The following SEMA5A variants were observed in gnomAD, a reference collection of about 807,000 sequenced individuals.
SEMA5A encodes semaphorin 5A, also known as semaphorin-5A.
A neutral mutation model predicts 135.5 loss-of-function variants in SEMA5A; 55 were observed. The ratio of observed to expected loss-of-function variants is 0.41; its 90% CI spans 0.33 to 0.51. The LOEUF (loss-of-function observed/expected upper bound fraction) is 0.51. Ranked by LOEUF, SEMA5A falls within the 20% of genes least tolerant of loss-of-function variation. SEMA5A has a pLI of 0.37. For synonymous variants in SEMA5A, 580 were observed against 546.5 expected, an observed-to-expected ratio of 1.06 and a Z score of -0.85; for missense variants, 1,290 against 1,419.9, an observed-to-expected ratio of 0.91 and a Z score of 1.47.
chr5:9,342,673 T>A (rs1414278999), intron 3 of SEMA5A, among the ~76,000 whole-genome samples: 2 of 152,218 alleles, frequency 1.3e-5, no homozygotes, highest in Non-Finnish European at 2.9e-5. Flanking sequence ...GTCTGCATCA[T>A]GACAAAATAA....
intron 5 of SEMA5A, among the ~76,000 whole-genome samples, chr5:9,290,375 C>A (rs1454308258): frequency 1.3e-5 from 2 of 152,136 alleles, no homozygotes; most frequent in Admixed American, 6.5e-5. Context: ...GCTGTAAATG[C>A]CATTATTTCA....
At chr5:9,096,733 T>A (rs1279880806) in intron 16 of SEMA5A, among the ~76,000 whole-genome samples, 1 of 152,042 alleles carries the variant, frequency 6.6e-6, no homozygotes, top group Non-Finnish European at 1.5e-5. Context: ...TATAAAGAAC[T>A]CATACAACAT....
At chr5:9,228,012 A>G (rs1329168665) in intron 6 of SEMA5A, among the ~76,000 whole-genome samples, 2 of 152,204 alleles carry the variant, frequency 1.3e-5, no homozygotes, top group Non-Finnish European at 2.9e-5. Context: ...GTATGGTCAT[A>G]GCAGTGATGG....
intron 11 of SEMA5A, among the ~76,000 whole-genome samples, chr5:9,163,500 T>C (rs1743411258): frequency 6.6e-6 from 1 of 152,170 alleles, no homozygotes; most frequent in Non-Finnish European, 1.5e-5. Flanking sequence ...CAAGATTCCG[T>C]TTTGCATCTT....
At chr5:9,509,839 CCT>C (rs1442543147) in intron 1 of SEMA5A, among the ~76,000 whole-genome samples, 7 of 152,148 alleles carry the variant, frequency 4.6e-5, no homozygotes, top group African/African-American at 1.7e-4. Flanking sequence ...TATGCCACCC[CCT>C]CTTCTAGGAA....
intron 5 of SEMA5A, among the ~76,000 whole-genome samples, chr5:9,302,556 T>C (rs1440983186): frequency 1.3e-5 from 2 of 152,364 alleles, no homozygotes; most frequent in African/African-American, 2.4e-5. Flanking sequence ...GTGTTCATTA[T>C]GCTCATGAAC....
chr5:9,071,076 A>C (rs914306064), intron 16 of SEMA5A, among the ~76,000 whole-genome samples: 4 of 152,350 alleles, frequency 2.6e-5, no homozygotes, highest in Non-Finnish European at 5.9e-5. Flanking sequence ...TTTGGCACCT[A>C]AGGTTCTTAA....
chr5:9,488,366 T>C lies in SEMA5A; in HGVS notation c.-174-50514A>G, dbSNP rs149872154. Among the ~76,000 whole-genome samples, 951 of 152,316 alleles carry C rather than the reference T, an allele frequency of 6.2e-3. 10 individuals are homozygous for C. The highest frequency in any genetic ancestry group is 0.022 in the African/African-American group (902 of 41,576). On this transcript the variant is annotated intron_variant, in intron 1 of 22. Transcript: ENST00000382496. ...ACCACTGGACATTTTACATCTTGCG[T>C]GATGTTTAAGAGACACTTATAAGAT... is the stretch of plus-strand genomic sequence containing the variant.
chr5:9,468,817 AT>A (rs966826120), intron 1 of SEMA5A, among the ~76,000 whole-genome samples: 1 of 152,194 alleles, frequency 6.6e-6, no homozygotes, highest in African/African-American at 2.4e-5. Context: ...TAATTTCAAA[AT>A]TTTAGAAGAA....
At chr5:9,255,897 C>G (rs534958908) in intron 5 of SEMA5A, among the ~76,000 whole-genome samples, 3 of 147,540 alleles carry the variant, frequency 2.0e-5, no homozygotes, top group African/African-American at 7.6e-5. Context: ...CCCTCTCTGC[C>G]TCCCAACTTG....
intron 10 of SEMA5A, among the ~76,000 whole-genome samples, chr5:9,193,934 T>G (rs981656276): frequency 1.3e-5 from 2 of 152,144 alleles, no homozygotes; most frequent in Non-Finnish European, 2.9e-5. Context: ...GCTTTGCATA[T>G]CAAAGGGTCC....
At chr5:9,129,929 T>G (rs1044097293) in intron 13 of SEMA5A, among the ~76,000 whole-genome samples, 16 of 152,192 alleles carry the variant, frequency 1.1e-4, no homozygotes, top group African/African-American at 3.9e-4. Context: ...AACAAGCTAG[T>G]CCAGAGCCTA....
chr5:9,297,714 C>A (rs879843652), intron 5 of SEMA5A, among the ~76,000 whole-genome samples: 9 of 102,964 alleles, frequency 8.7e-5, no homozygotes, highest in Non-Finnish European at 1.2e-4. Context: ...GCCACCATGT[C>A]AAGCTATTTT....
rs114265660 is a variant in SEMA5A at position 9,040,901 on chromosome 5, C to T, written c.*1996G>A. On this transcript the variant is annotated 3_prime_UTR_variant, in exon 23 of 23. Transcript: ENST00000382496. ...ACAAAGTGAAAATGTTTTTTTCTTA[C>T]AAGAAACTGATGAGATGAGTTGAAA... The T allele has an allele frequency of 1.2e-3, 183 of 152,208 alleles. No individual in the cohort carries two copies. Among genetic ancestry groups the T allele is most frequent in the African/African-American group, 4.3e-3 (178 of 41,532 alleles). The allele number at this position is 152,208 out of a possible 1,614,324, so 9.4% of individuals were successfully genotyped here.
intron 4 of SEMA5A, among the ~76,000 whole-genome samples, chr5:9,336,744 C>A (rs1753407660): frequency 6.6e-6 from 1 of 152,132 alleles, no homozygotes. Flanking sequence ...AGAAACTGTT[C>A]AATGTTTATC....
chr5:9,468,432 C>T (rs1039184520), intron 1 of SEMA5A, among the ~76,000 whole-genome samples: 20 of 152,006 alleles, frequency 1.3e-4, no homozygotes, highest in Admixed American at 6.6e-4. Flanking sequence ...TGTAGGTTTG[C>T]GAACTAAACA....
intron 8 of SEMA5A, among the ~76,000 whole-genome samples, chr5:9,216,385 G>A (rs1746629995): frequency 6.6e-6 from 1 of 152,304 alleles, no homozygotes; most frequent in East Asian, 1.9e-4. Context: ...TGCAGCTTCT[G>A]AGGATTGTTT....
intron 1 of SEMA5A, among the ~76,000 whole-genome samples, chr5:9,464,493 C>G (rs1759180775): frequency 6.6e-6 from 1 of 152,206 alleles, no homozygotes; most frequent in South Asian, 2.1e-4. Flanking sequence ...TCACGTACCC[C>G]TTTTCAATCA....
intron 8 of SEMA5A, among the ~76,000 whole-genome samples, chr5:9,211,931 T>C (rs1746365847): frequency 6.6e-6 from 1 of 152,198 alleles, no homozygotes; most frequent in African/African-American, 2.4e-5. Context: ...CCATATGAAA[T>C]CCTGGCCAAA....
Sources: gnomAD v4.1 joint callset for allele counts (sites outside exome capture counted in the v4.1 genomes callset) on GRCh38, gnomAD v4.1.1 for gene constraint, MANE v1.5 for transcripts, NCBI Gene and HGNC (gene_info 2026-07-23, HGNC 2026-07-21) for gene names.